Variants in SREBF2 observed in about 807,000 individuals in gnomAD.
SREBF2 encodes sterol regulatory element-binding protein 2.
SREBF2 carries 55 observed loss-of-function variants against 113.1 expected under a neutral mutation model. The ratio of observed to expected loss-of-function variants is 0.49; its 90% CI spans 0.39 to 0.61. SREBF2 has a LOEUF of 0.61. Ranked by LOEUF, SREBF2 falls within the 20% of genes least tolerant of loss-of-function variation. The pLI is 0.00. For missense variants in SREBF2, 1,349 were observed against 1,487.4 expected, an observed-to-expected ratio of 0.91 and a Z score of 1.53; for synonymous variants, 593 against 605.7, an observed-to-expected ratio of 0.98 and a Z score of 0.31.
intron 16 of SREBF2, among the ~76,000 whole-genome samples, chr22:41,902,342 G>A (rs2148421336): frequency 6.6e-6 from 1 of 152,352 alleles, no homozygotes; most frequent in African/African-American, 2.4e-5. Context: ...CAACAGCCCT[G>A]TGATGGTGCC....
At position 41,905,519 on chromosome 22, in the gene SREBF2, CCT is replaced by C; in HGVS notation, c.3289_3290del (p.Ser1097LeufsTer34). The C allele has an allele frequency of 6.3e-7, 1 of 1,584,904 alleles. No individual in the cohort carries two copies. The highest frequency in any genetic ancestry group is 8.6e-7 in the Non-Finnish European group (1 of 1,166,048). Reference protein sequence around the residue: ...LACRHLPLSFLSSPGQRAVLL... With the variant: ...LACRHLPLSFXSSPGQRAVLL... ...CCTGCCGCCACCTGCCCCTCTCCTTCCTCTCCTCCCCGGGCCAGCGGGCAGTG... is the reference window on the plus strand; with the variant it reads ...CCTGCCGCCACCTGCCCCTCTCCTTCCTCCTCCCCGGGCCAGCGGGCAGTG... On this transcript the variant is annotated frameshift_variant, in exon 19 of 19. Transcript: ENST00000361204. LOFTEE classifies it high-confidence loss of function.
chr22:41,850,071 C>T (rs1307975220), intron 1 of SREBF2, among the ~76,000 whole-genome samples: 1 of 151,770 alleles, frequency 6.6e-6, no homozygotes, highest in African/African-American at 2.4e-5. Context: ...ACCTGGGAGG[C>T]GGAGTTTGCA....
chr22:41,834,144 G>T (rs2076746374), intron 1 of SREBF2, among the ~76,000 whole-genome samples: 1 of 152,176 alleles, frequency 6.6e-6, no homozygotes, highest in Non-Finnish European at 1.5e-5. Flanking sequence ...CGGGAACAAC[G>T]ATTTGGAGAG....
chr22:41,870,936 C>G lies in SREBF2; in HGVS notation c.768C>G (p.Thr256=). 1.2e-6 allele frequency: 2 copies of G among 1,614,132 alleles called. No homozygotes were observed. The highest frequency in any genetic ancestry group is 1.7e-6 in the Non-Finnish European group (2 of 1,180,022). Residue 256 remains threonine (T), a synonymous_variant, in exon 4 of 19, where the codon ACC becomes ACG. Transcript: ENST00000361204. ...TCAAGACAGATTCCCTTGTTTTGAC[C>G]ACACTGAAGACAGATGGCAGCCCTG... ...QIIKTDSLVL[T]TLKTDGSPVM... is the part of the protein sequence containing the mutation.
intron 14 of SREBF2, 119 bp downstream of exon 14, chr22:41,897,280 G>A (rs2077425175): frequency 3.2e-6 from 2 of 625,892 alleles, no homozygotes; most frequent in Non-Finnish European, 2.8e-6. Context: ...CTGGATCCCA[G>A]GTTCATACCT....
chr22:41,847,917 A>ATT (rs200150368), intron 1 of SREBF2, among the ~76,000 whole-genome samples: 73 of 83,150 alleles, frequency 8.8e-4, no homozygotes, highest in Middle Eastern at 6.4e-3. Flanking sequence ...CATTATTATT[A>ATT]TTATTTTTTT....
At chr22:41,836,621 G>T (rs1040013625) in intron 1 of SREBF2, among the ~76,000 whole-genome samples, 1 of 152,206 alleles carries the variant, frequency 6.6e-6, no homozygotes. Context: ...CTAGAACAGT[G>T]CCTGGCACAG....
intron 5 of SREBF2, among the ~76,000 whole-genome samples, chr22:41,874,715 G>T (rs928422488): frequency 6.6e-6 from 1 of 152,148 alleles, no homozygotes; most frequent in Non-Finnish European, 1.5e-5. Context: ...AGACCAGCCT[G>T]GCCAACATGG....
At chr22:41,893,839 C>T (rs2077386360) in intron 12 of SREBF2, among the ~76,000 whole-genome samples, 2 of 152,136 alleles carry the variant, frequency 1.3e-5, no homozygotes. Flanking sequence ...GGCCTTGGAG[C>T]AGTAGAGGCT....
chr22:41,868,285 GA>G (rs1268654506), intron 2 of SREBF2, among the ~76,000 whole-genome samples: 1 of 152,196 alleles, frequency 6.6e-6, no homozygotes, highest in Non-Finnish European at 1.5e-5. Flanking sequence ...AAGGATGGAA[GA>G]AAATGAAGCC....
intron 12 of SREBF2, 105 bp downstream of exon 12, chr22:41,893,390 C>G: frequency 7.9e-7 from 1 of 1,266,984 alleles, no homozygotes; most frequent in Non-Finnish European, 1.1e-6. Context: ...GTCTCTTAAT[C>G]TTGTTGAGTC....
intron 1 of SREBF2, among the ~76,000 whole-genome samples, chr22:41,852,671 A>G (rs1023581731): frequency 6.7e-6 from 1 of 148,518 alleles, no homozygotes; most frequent in Non-Finnish European, 1.5e-5. Flanking sequence ...TTCTTCATCA[A>G]TTGATGAAGT....
intron 1 of SREBF2, among the ~76,000 whole-genome samples, chr22:41,861,164 A>T (rs1310938042): frequency 3.9e-5 from 6 of 152,226 alleles, no homozygotes; most frequent in Admixed American, 3.9e-4. Flanking sequence ...TTGTAGAGGA[A>T]GAAATCTGGA....
At position 41,894,956 on chromosome 22, in the gene SREBF2, TCCCC is replaced by T; in HGVS notation, c.2495+21_2495+24del. ...AGAGCTGGTAAAGTCCCCAGACCAG[TCCCC>T]CTGCCTTAGGACCTGTCCACGCAGG... On this transcript the variant is annotated intron_variant, in intron 13 of 18. Coordinates refer to ENST00000361204, the MANE Select transcript of SREBF2 (RefSeq NM_004599.4). The T allele has an allele frequency of 6.2e-7, 1 of 1,602,830 alleles. No homozygotes were observed. Among genetic ancestry groups the T allele is most frequent in the Non-Finnish European group, 8.5e-7 (1 of 1,170,414 alleles).
At chr22:41,894,732 A>T in intron 12 of SREBF2, 88 bp from the exon 13 acceptor site, 1 of 1,103,860 alleles carries the variant, frequency 9.1e-7, no homozygotes, top group Non-Finnish European at 1.4e-6. Context: ...TTCACAAGGC[A>T]TGGCTGTGTT....
rs1424228025 is a variant in SREBF2 at position 41,866,812 on chromosome 22, C to T, written c.89-19C>T. On this transcript the variant is annotated intron_variant, in intron 1 of 18. Transcript: ENST00000361204. ...CTTTTTGGATAGCAATAAAATTACT[C>T]CTTTTCTTTTGTTCACAGAGATGCT... 1.2e-6 allele frequency: 2 copies of T among 1,613,866 alleles called. No individual in the cohort carries two copies. The highest frequency in any genetic ancestry group is 1.1e-5 in the South Asian group (1 of 91,068).
intron 1 of SREBF2, among the ~76,000 whole-genome samples, chr22:41,847,533 C>T (rs1325925329): frequency 6.6e-6 from 1 of 152,226 alleles, no homozygotes; most frequent in East Asian, 1.9e-4. Context: ...GAAGCACTTA[C>T]TGAGCACCTG....
intron 1 of SREBF2, among the ~76,000 whole-genome samples, chr22:41,855,089 A>G (rs1383512417): frequency 6.6e-6 from 1 of 152,086 alleles, no homozygotes; most frequent in Non-Finnish European, 1.5e-5. Context: ...ATAGCCTTGA[A>G]CTAAAACATC....
chr22:41,895,241 G>A (rs927485209), intron 13 of SREBF2, among the ~76,000 whole-genome samples: 3 of 151,086 alleles, frequency 2.0e-5, no homozygotes, highest in African/African-American at 7.3e-5. Context: ...CTGGGTTCAC[G>A]CCATTCTTCT....
Sources: allele counts gnomAD v4.1 joint callset (sites outside exome capture counted in the v4.1 genomes callset), GRCh38; gene constraint gnomAD v4.1.1; transcripts MANE v1.5; gene names NCBI Gene and HGNC (gene_info 2026-07-23, HGNC 2026-07-21).